Variants in TDRD5 observed in about 807,000 individuals in gnomAD.
TDRD5 encodes tudor domain-containing protein 5.
Under a neutral mutation model 120.6 loss-of-function variants are expected in TDRD5, and 41 were observed. The ratio of observed to expected loss-of-function variants is 0.34; its 90% confidence interval spans 0.26 to 0.44. TDRD5 has a LOEUF of 0.44. TDRD5 is among the 20% of genes least tolerant of loss of function. The probability of loss-of-function intolerance (pLI) is 1.00; values close to 1 mark genes in which losing one functional copy is unlikely to be tolerated. For missense variants in TDRD5, 1,006 were observed against 1,221.2 expected, an observed-to-expected ratio of 0.82 and a Z score of 2.63; for synonymous variants, 430 against 433.7, an observed-to-expected ratio of 0.99 and a Z score of 0.11.
chr1:179,674,821 C>T (rs1223451730), intron 17 of TDRD5, among the ~76,000 whole-genome samples: 3 of 151,956 alleles, frequency 2.0e-5, no homozygotes, highest in Non-Finnish European at 2.9e-5. Flanking sequence ...TTCTAGTTTA[C>T]GTTTGTAAAG....
intron 16 of TDRD5, among the ~76,000 whole-genome samples, chr1:179,667,996 C>T (rs374768728): frequency 3.9e-5 from 6 of 152,126 alleles, no homozygotes; most frequent in Admixed American, 6.5e-5. Flanking sequence ...AGATCCCAGA[C>T]GATAAACCAC....
intron 3 of TDRD5, 139 bp downstream of exon 3, chr1:179,594,006 C>G: frequency 9.0e-7 from 1 of 1,105,090 alleles, no homozygotes; most frequent in Non-Finnish European, 1.3e-6. Flanking sequence ...GTTCAATCTA[C>G]TTAAGCCTTA....
chr1:179,676,317 A>G (rs4347176), intron 17 of TDRD5, among the ~76,000 whole-genome samples: 1 of 152,150 alleles, frequency 6.6e-6, no homozygotes, highest in Non-Finnish European at 1.5e-5. Flanking sequence ...GCAGTTCTGT[A>G]TCTTTTAAGT....
chr1:179,592,218 C>A, intron 1 of TDRD5, 93 bp downstream of exon 1: 1 of 181,430 alleles, frequency 5.5e-6, no homozygotes, highest in Non-Finnish European at 1.2e-5. Context: ...GCGGCGGGAG[C>A]GCCTTTTTTC....
chr1:179,603,555 T>C (rs1675825058), intron 4 of TDRD5, among the ~76,000 whole-genome samples: 1 of 152,226 alleles, frequency 6.6e-6, no homozygotes, highest in African/African-American at 2.4e-5. Context: ...GTCCCTTGTG[T>C]ACCGATTTTG....
chr1:179,661,364 G>A (rs929693605), intron 14 of TDRD5, among the ~76,000 whole-genome samples: 2 of 148,320 alleles, frequency 1.3e-5, no homozygotes, highest in Non-Finnish European at 3.0e-5. Flanking sequence ...TCTGTTTTGA[G>A]TTTTTTGTTT....
At chr1:179,607,317 A>G (rs1676032251) in intron 4 of TDRD5, among the ~76,000 whole-genome samples, 2 of 152,090 alleles carry the variant, frequency 1.3e-5, no homozygotes, top group Non-Finnish European at 2.9e-5. Flanking sequence ...TAGTTCCAGG[A>G]GTTTTTAAAA....
chr1:179,624,838 TC>T (rs1171210332), intron 6 of TDRD5, among the ~76,000 whole-genome samples: 1 of 152,066 alleles, frequency 6.6e-6, no homozygotes, highest in African/African-American at 2.4e-5. Flanking sequence ...TTCAATATAG[TC>T]CCCATCATAA....
At chr1:179,676,456 T>G (rs1394910375) in intron 17 of TDRD5, among the ~76,000 whole-genome samples, 1 of 152,200 alleles carries the variant, frequency 6.6e-6, no homozygotes, top group Non-Finnish European at 1.5e-5. Flanking sequence ...TCCTGTGAGA[T>G]TTATGCTTTA....
intron 6 of TDRD5, among the ~76,000 whole-genome samples, chr1:179,626,334 T>C (rs1237252692): frequency 6.6e-6 from 1 of 152,226 alleles, no homozygotes; most frequent in Non-Finnish European, 1.5e-5. Flanking sequence ...GAATGTCTTT[T>C]ATATTAAATA....
At chr1:179,673,950 G>C (rs1383938782) in intron 17 of TDRD5, among the ~76,000 whole-genome samples, 1 of 152,144 alleles carries the variant, frequency 6.6e-6, no homozygotes, top group Non-Finnish European at 1.5e-5. Context: ...GAGCTTTTTG[G>C]ATGAGTCGTT....
intron 14 of TDRD5, among the ~76,000 whole-genome samples, chr1:179,659,488 A>T (rs1278603491): frequency 6.6e-6 from 1 of 151,038 alleles, no homozygotes; most frequent in Non-Finnish European, 1.5e-5. Flanking sequence ...TTTATTCACA[A>T]TTACTTTTTT....
At chr1:179,657,943 C>T (rs1679095014) in intron 14 of TDRD5, among the ~76,000 whole-genome samples, 1 of 152,098 alleles carries the variant, frequency 6.6e-6, no homozygotes, top group Non-Finnish European at 1.5e-5. Flanking sequence ...TATAGCAGAT[C>T]TCTTGAACTT....
At chr1:179,620,602 A>G (rs895042377) in intron 5 of TDRD5, among the ~76,000 whole-genome samples, 4 of 152,154 alleles carry the variant, frequency 2.6e-5, no homozygotes, top group Admixed American at 2.0e-4. Context: ...TGATGTACGT[A>G]TGGACAATAA....
At chr1:179,685,077 T>G (rs973864064) in intron 17 of TDRD5, among the ~76,000 whole-genome samples, 3 of 152,252 alleles carry the variant, frequency 2.0e-5, no homozygotes, top group Non-Finnish European at 2.9e-5. Flanking sequence ...TTTTGGCTTT[T>G]GTTGCCGTTG....
intron 17 of TDRD5, among the ~76,000 whole-genome samples, chr1:179,679,342 T>C (rs1358930452): frequency 6.6e-6 from 1 of 152,142 alleles, no homozygotes; most frequent in Non-Finnish European, 1.5e-5. Flanking sequence ...TATAATGTCT[T>C]TGTCTGGTTT....
At chr1:179,690,430 T>A (rs1681076957) in intron 17 of TDRD5, among the ~76,000 whole-genome samples, 26 of 152,216 alleles carry the variant, frequency 1.7e-4, no homozygotes, top group Admixed American at 1.6e-3. Context: ...AAATAAGGCA[T>A]CCCTTCGTTG....
intron 11 of TDRD5, among the ~76,000 whole-genome samples, chr1:179,640,984 C>T (rs1464689659): frequency 6.6e-6 from 1 of 152,140 alleles, no homozygotes; most frequent in African/African-American, 2.4e-5. Flanking sequence ...TGACAGATAA[C>T]ATGTTTTCAA....
Position 179,650,982 on chromosome 1 carries a change from C to T in TDRD5, c.1916C>T (p.Thr639Ile). 1 of 1,614,116 alleles carries T rather than the reference C, an allele frequency of 6.2e-7. No individual in the cohort carries two copies. Among genetic ancestry groups the T allele is most frequent in the Non-Finnish European group, 8.5e-7 (1 of 1,180,008 alleles). Residue 639 changes from threonine (T) to isoleucine (I), a missense_variant, in exon 12 of 18, where the codon ACA (threonine) becomes ATA (isoleucine). By Grantham distance (89) the Thr-to-Ile change is moderately conservative. This residue lies in a region of TDRD5 where 158 missense variants were observed against 257.5 expected (regional missense o/e 0.61). Coordinates refer to ENST00000444136, the MANE Select transcript of TDRD5 (RefSeq NM_001199085.3). ...ATCCTTAACATTTTTTTGTGTGACA[C>T]ATCCTCAAACGAAGATGTCTATTTC... The part of the protein sequence containing the change: ...DGILNIFLCD[T>I]SSNEDVYFHH...
Sources: gnomAD v4.1 joint callset for allele counts (sites outside exome capture counted in the v4.1 genomes callset) on GRCh38, gnomAD v4.1.1 for gene constraint, gnomAD v4.1.1 regional missense constraint, MANE v1.5 for transcripts, NCBI Gene and HGNC (gene_info 2026-07-23, HGNC 2026-07-21) for gene names.